SHANK2: variants seen among roughly 807,000 people sequenced by gnomAD.
The protein encoded by SHANK2 is SH3 and multiple ankyrin repeat domains protein 2.
Under a neutral mutation model 133.7 loss-of-function variants are expected in SHANK2, and 43 were observed. The ratio of observed to expected loss-of-function variants is 0.32; its 90% CI spans 0.25 to 0.41. The LOEUF is 0.41. SHANK2 is among the 10% of genes least tolerant of loss of function. SHANK2 has a pLI of 1.00. For missense variants in SHANK2, 1,994 were observed against 2,235.8 expected (o/e 0.89, Z 2.18); for synonymous variants, 1,017 against 952.8 (o/e 1.07, Z -1.24).
At chr11:71,173,595 A>G (rs1193915813) in intron 2 of SHANK2, among the ~76,000 whole-genome samples, 2 of 152,230 alleles carry the variant, frequency 1.3e-5, no homozygotes, top group Admixed American at 6.5e-5. Context: ...CTTCTGCCCA[A>G]AGAGTCAACT....
At chr11:70,716,625 C>T (rs1421316662) in intron 14 of SHANK2, among the ~76,000 whole-genome samples, 2 of 152,120 alleles carry the variant, frequency 1.3e-5, no homozygotes, top group African/African-American at 2.4e-5. Context: ...CCGCCCTCCG[C>T]CCCTGGCCGT....
intron 17 of SHANK2, among the ~76,000 whole-genome samples, chr11:70,637,065 ATG>A: frequency 1.9e-5 from 1 of 51,740 alleles, no homozygotes; most frequent in Non-Finnish European, 5.3e-5. Flanking sequence ...GGGTGCATTC[ATG>A]TGTGTGCACG....
In SHANK2 at chr11:70,930,843, T is replaced by G. The variant is rs1950494088; in HGVS notation, c.1108-34276A>C. On this transcript the variant is annotated intron_variant, in intron 10 of 25. Coordinates refer to ENST00000601538, the MANE Select transcript of SHANK2 (RefSeq NM_012309.5). ...GCCCCACCACACCCAGCGGTTTTTT[T>G]TTTTTTAGAGATGGGGTCTCACTAT... Among the ~76,000 whole-genome samples the G allele has an allele frequency of 2.0e-5, 3 of 150,706 alleles. No homozygotes were observed. In the South Asian group the frequency reaches 6.4e-4, roughly 32 times the overall value.
At chr11:70,921,209 C>T (rs1393840503) in intron 10 of SHANK2, among the ~76,000 whole-genome samples, 2 of 152,332 alleles carry the variant, frequency 1.3e-5, no homozygotes, top group Admixed American at 1.3e-4. Context: ...CAAAAGACAA[C>T]AGTAAACATA....
At chr11:70,752,436 C>T (rs900314398) in intron 14 of SHANK2, among the ~76,000 whole-genome samples, 2 of 152,084 alleles carry the variant, frequency 1.3e-5, no homozygotes, top group African/African-American at 4.8e-5. Context: ...AAAATCAATT[C>T]GGCCGGGCGC....
At chr11:70,790,225 T>C (rs190247701) in intron 14 of SHANK2, among the ~76,000 whole-genome samples, 305 of 152,348 alleles carry the variant, frequency 2.0e-3, no homozygotes, top group Non-Finnish European at 3.4e-3. Flanking sequence ...AGGAAATTGA[T>C]GTCTTGGAAG....
chr11:71,141,313 T>G (rs529852280), intron 3 of SHANK2, among the ~76,000 whole-genome samples: 11 of 150,406 alleles, frequency 7.3e-5, no homozygotes, highest in Admixed American at 5.9e-4. Context: ...GCCAACATGG[T>G]GAAACCCCCT....
chr11:70,781,135 T>C (rs782301521), intron 14 of SHANK2, among the ~76,000 whole-genome samples: 29 of 151,964 alleles, frequency 1.9e-4, no homozygotes, highest in Non-Finnish European at 3.5e-4. Context: ...CTGAAACTCA[T>C]AGGGCTGTGA....
chr11:70,656,812 G>C (rs1193746899), intron 17 of SHANK2, among the ~76,000 whole-genome samples: 5 of 152,154 alleles, frequency 3.3e-5, no homozygotes, highest in Admixed American at 6.5e-5. Context: ...TGGTTGGTAG[G>C]GTCAGGGGGT....
intron 14 of SHANK2, among the ~76,000 whole-genome samples, chr11:70,722,748 C>T (rs1323337477): frequency 6.6e-6 from 1 of 152,122 alleles, no homozygotes; most frequent in Non-Finnish European, 1.5e-5. Flanking sequence ...GTCAAAACCA[C>T]TACCTCCTAA....
chr11:71,082,208 C>T (rs1951310374), intron 8 of SHANK2, among the ~76,000 whole-genome samples: 1 of 152,240 alleles, frequency 6.6e-6, no homozygotes, highest in African/African-American at 2.4e-5. Flanking sequence ...CTCCTGGGCT[C>T]TCCACCTGGC....
intron 14 of SHANK2, among the ~76,000 whole-genome samples, chr11:70,785,155 G>A (rs77322439): frequency 0.072 from 10,954 of 152,208 alleles, 586 homozygotes; most frequent in Non-Finnish European, 0.11. Flanking sequence ...GGAGGACCCA[G>A]GCTATGGGCC....
In SHANK2 at chr11:70,486,572, C is replaced by G. The variant is rs1555153719; in HGVS notation, c.3721G>C (p.Ala1241Pro). ...QQGPKGEAPKADLNKPLYIDT... is the reference protein window; with the variant it reads ...QQGPKGEAPKPDLNKPLYIDT... ...ATGTAAAGAGGTTTGTTGAGGTCGG[C>G]CTTGGGGGCCTCCCCTTTGGGTCCC... is the stretch of plus-strand genomic sequence containing the variant. The change falls in exon 25 of 26, where the codon GCC becomes CCC. Residue 1241 changes from alanine (A) to proline (P), a missense_variant. Around this residue, in one of 5 missense-constraint regions of SHANK2, gnomAD observed 797 missense variants for 907.4 expected, o/e 0.88. Coordinates refer to ENST00000601538, the MANE Select transcript of SHANK2 (RefSeq NM_012309.5). The surrounding 1 kb of genome is among the most constrained non-coding windows in gnomAD (Gnocchi z 8.0). 6.2e-7 allele frequency: 1 copy of G among 1,614,038 alleles called. No homozygotes were observed. Among genetic ancestry groups the G allele is most frequent in the Admixed American group, 1.7e-5 (1 of 60,028 alleles).
intron 14 of SHANK2, among the ~76,000 whole-genome samples, chr11:70,740,508 G>A (rs1565283342): frequency 6.6e-6 from 1 of 152,128 alleles, no homozygotes; most frequent in Non-Finnish European, 1.5e-5. Flanking sequence ...ATCCTCGGTT[G>A]TAAACAGGGA....
chr11:70,599,528 A>AC (rs1311913158), intron 17 of SHANK2, among the ~76,000 whole-genome samples: 1 of 120,338 alleles, frequency 8.3e-6, no homozygotes, highest in Non-Finnish European at 1.7e-5. Flanking sequence ...AATGGCGTGA[A>AC]CCCCAGGGGG....
In SHANK2 at chr11:70,852,986, C is replaced by A. The variant is rs528064191; in HGVS notation, c.1175-32304G>T. Among the ~76,000 whole-genome samples the A allele has an allele frequency of 1.6e-4, 25 of 152,224 alleles. No individual in the cohort carries two copies. The South Asian group carries it at 3.3e-3, about 20-fold the overall frequency. ...GGCAACGTTCCCTGAACCAGTGGGCCACGTGGGAAGTTCTGCAGAGCCCCA... is the reference window on the plus strand; with the variant it reads ...GGCAACGTTCCCTGAACCAGTGGGCAACGTGGGAAGTTCTGCAGAGCCCCA... On this transcript the variant is annotated intron_variant, in intron 11 of 25. Coordinates refer to ENST00000601538, the MANE Select transcript of SHANK2 (RefSeq NM_012309.5).
chr11:70,535,792 G>A lies in SHANK2; in HGVS notation c.2062-32861C>T, dbSNP rs1391780897. ...GCTCCACGGGGCAGGAGAGGTTCGG[G>A]TGGGCCATCCGCTGGCAGGGAGCTG... On this transcript the variant is annotated intron_variant, in intron 17 of 25. Coordinates refer to ENST00000601538, the MANE Select transcript of SHANK2 (RefSeq NM_012309.5). This position sits in a 1 kb window ranked among gnomAD's most constrained non-coding sequence, Gnocchi z 4.3. Among the ~76,000 whole-genome samples, 5 of 152,262 alleles carry A rather than the reference G, an allele frequency of 3.3e-5. No individual in the cohort carries two copies. In the East Asian group the frequency reaches 9.6e-4, roughly 29 times the overall value.
intron 2 of SHANK2, among the ~76,000 whole-genome samples, chr11:71,192,920 A>G (rs973763760): frequency 6.6e-6 from 1 of 152,184 alleles, no homozygotes; most frequent in Non-Finnish European, 1.5e-5. Context: ...AAAATACTGC[A>G]TCCTTAATGG....
chr11:70,861,845 T>C (rs2135504444), intron 11 of SHANK2, among the ~76,000 whole-genome samples: 1 of 152,166 alleles, frequency 6.6e-6, no homozygotes, highest in South Asian at 2.1e-4. Flanking sequence ...CAGGAATAAA[T>C]GAGTGATCCA....
Sources: gnomAD v4.1 joint callset for allele counts (sites outside exome capture counted in the v4.1 genomes callset) on GRCh38, gnomAD v4.1.1 for gene constraint, gnomAD v4.1.1 regional missense constraint, Gnocchi (gnomAD v3.1) non-coding constraint, MANE v1.5 for transcripts, NCBI Gene and HGNC (gene_info 2026-07-23, HGNC 2026-07-21) for gene names.